The following KPNA1 variants were observed in gnomAD, a reference collection of about 807,000 sequenced individuals.
The protein encoded by KPNA1 is importin subunit alpha-5.
A neutral mutation model predicts 70.5 loss-of-function variants in KPNA1; 10 were observed. The observed-to-expected ratio is 0.14, with a 90% CI of 0.09 to 0.24. The LOEUF is 0.24. Ranked by LOEUF, KPNA1 falls within the 10% of genes least tolerant of loss-of-function variation. The pLI, the probability that KPNA1 is intolerant of heterozygous loss-of-function variation, is 1.00. For missense variants in KPNA1, 397 were observed against 637.9 expected, an observed-to-expected ratio of 0.62 and a Z score of 4.07; for synonymous variants, 192 against 221.9, an observed-to-expected ratio of 0.87 and a Z score of 1.20.
At chr3:122,452,536 AGGAGGGAAGGAG>A (rs1378580920) in intron 6 of KPNA1, among the ~76,000 whole-genome samples, 453 of 34,636 alleles carry the variant, frequency 0.013, 8 homozygotes, top group African/African-American at 0.039. Flanking sequence ...GAAGGAGGGA[AGGAGGGAAGGAG>A]GGAGGGAGGG....
At position 122,423,511 on chromosome 3, in the gene KPNA1, A is replaced by G. The variant is rs2075782900; in HGVS notation, c.*3474T>C. On this transcript the variant is annotated 3_prime_UTR_variant, in exon 14 of 14. Coordinates refer to ENST00000344337, the MANE Select transcript of KPNA1 (RefSeq NM_002264.4). ...ACTTAAAAACCATCAACCCCTAAAA[A>G]GTTATAATGATTTGCCTATTGATAT... The G allele has an allele frequency of 6.6e-6, 1 of 152,586 alleles. No homozygotes were observed. The highest frequency in any genetic ancestry group is 1.5e-5 in the Non-Finnish European group (1 of 68,026). The allele number at this position is 152,586 out of a possible 1,614,324, so 9.5% of individuals were successfully genotyped here.
intron 5 of KPNA1, chr3:122,459,515 G>A (rs1173319456): frequency 1.5e-5 from 15 of 985,288 alleles, no homozygotes; most frequent in South Asian, 9.4e-5. Context: ...TTCTCGGCAG[G>A]TTGCTTAGGG....
intron 1 of KPNA1, among the ~76,000 whole-genome samples, chr3:122,503,795 G>GTAT (rs2076857349): frequency 6.6e-6 from 1 of 152,108 alleles, no homozygotes. Flanking sequence ...GTGATGGTGT[G>GTAT]TATTACCCCT....
At chr3:122,460,003 A>G in intron 5 of KPNA1, 9 of 985,438 alleles carry the variant, frequency 9.1e-6, no homozygotes, top group Non-Finnish European at 1.1e-5. Context: ...AGTAAAGAAC[A>G]GCACACAAGG....
chr3:122,460,768 A>G (rs778556467), intron 5 of KPNA1: 26 of 637,698 alleles, frequency 4.1e-5, no homozygotes, highest in Non-Finnish European at 5.1e-5. Flanking sequence ...GATTCCTGAC[A>G]AAGTTATCTC....
intron 1 of KPNA1, among the ~76,000 whole-genome samples, chr3:122,507,806 T>A (rs1373254979): frequency 6.6e-6 from 1 of 151,978 alleles, no homozygotes; most frequent in Non-Finnish European, 1.5e-5. Flanking sequence ...AAAGGGTTCG[T>A]TCCCTCAGTA....
chr3:122,442,240 G>T, intron 9 of KPNA1, 124 bp from the exon 10 acceptor site: 1 of 685,278 alleles, frequency 1.5e-6, no homozygotes, highest in Non-Finnish European at 2.6e-6. Flanking sequence ...TACCCATGGG[G>T]CTAATTAAGG....
At chr3:122,479,618 G>C (rs1182729269) in intron 2 of KPNA1, among the ~76,000 whole-genome samples, 1 of 152,066 alleles carries the variant, frequency 6.6e-6, no homozygotes, top group African/African-American at 2.4e-5. Flanking sequence ...AAATTAGCCG[G>C]GAGTGGTGGT....
intron 8 of KPNA1, among the ~76,000 whole-genome samples, chr3:122,450,388 C>T (rs1007854013): frequency 1.3e-5 from 2 of 152,224 alleles, no homozygotes; most frequent in African/African-American, 4.8e-5. Flanking sequence ...TCAAGACCAA[C>T]CTGGCCAACA....
intron 12 of KPNA1, among the ~76,000 whole-genome samples, chr3:122,430,058 G>A (rs990863530): frequency 2.0e-5 from 3 of 151,724 alleles, no homozygotes; most frequent in Admixed American, 6.6e-5. Flanking sequence ...TATCTCAACT[G>A]TATTTTTATT....
intron 1 of KPNA1, among the ~76,000 whole-genome samples, chr3:122,505,274 C>CAAAAAAAAAAA (rs376502610): frequency 1.0e-5 from 1 of 99,544 alleles, no homozygotes; most frequent in Non-Finnish European, 1.9e-5. Context: ...CTGCATGCCT[C>CAAAAAAAAAAA]AAAAAAAAAA....
intron 2 of KPNA1, among the ~76,000 whole-genome samples, chr3:122,489,292 T>G (rs2076669394): frequency 1.3e-5 from 2 of 151,102 alleles, no homozygotes; most frequent in African/African-American, 2.4e-5. Flanking sequence ...TTTGTTTTTT[T>G]TTGTTTGTTT....
At chr3:122,455,239 T>C (rs1024857948) in intron 5 of KPNA1, among the ~76,000 whole-genome samples, 2 of 152,092 alleles carry the variant, frequency 1.3e-5, no homozygotes, top group Non-Finnish European at 2.9e-5. Flanking sequence ...ATGTTAGTGA[T>C]AGAAAATTCA....
At position 122,425,370 on chromosome 3, in the gene KPNA1, T is replaced by C. The variant is rs1198727834; in HGVS notation, c.*1615A>G. On this transcript the variant is annotated 3_prime_UTR_variant, in exon 14 of 14. Transcript: ENST00000344337. Reference sequence around the variant, plus strand: ...GGCAACTTCCAAATAGTTTTTACACTTTGGGGTTATAATGAATTCTAGAAG... The same window carrying C: ...GGCAACTTCCAAATAGTTTTTACACCTTGGGGTTATAATGAATTCTAGAAG... 2 of 152,632 alleles carry C rather than the reference T, an allele frequency of 1.3e-5. No individual in the cohort carries two copies. Among genetic ancestry groups the C allele is most frequent in the Non-Finnish European group, 2.9e-5 (2 of 68,032 alleles). The allele number at this position is 152,632 out of a possible 1,614,324, so 9.5% of individuals were successfully genotyped here.
chr3:122,422,360 A>C lies in KPNA1; in HGVS notation c.*4625T>G, dbSNP rs900949123. ...ATCATTTGCACAAAAAAAAAAAAAAAAAAAACCTATTACCATACTTGTCTG... is the reference window on the plus strand; with the variant it reads ...ATCATTTGCACAAAAAAAAAAAAAACAAAAACCTATTACCATACTTGTCTG... On this transcript the variant is annotated 3_prime_UTR_variant, in exon 14 of 14. Transcript: ENST00000344337. 3.9e-5 allele frequency: 6 copies of C among 152,132 alleles called. No individual in the cohort carries two copies. The highest frequency in any genetic ancestry group is 8.8e-5 in the Non-Finnish European group (6 of 68,018). 9.4% of individuals were successfully genotyped at this position (152,132 alleles called of 1,614,324 possible). A position where few individuals can be genotyped will look rare whatever the true frequency, so the allele number is the denominator to read the frequency against.
chr3:122,499,782 C>G (rs980817305), intron 1 of KPNA1, among the ~76,000 whole-genome samples: 1 of 150,736 alleles, frequency 6.6e-6, no homozygotes, highest in Non-Finnish European at 1.5e-5. Context: ...AAAAAAGAGA[C>G]GGGTTTATAT....
In KPNA1 at chr3:122,423,873, A is replaced by C. The variant is rs1480074054; in HGVS notation, c.*3112T>G. ...CCTTCATCTGTCATATGGAAGAAACAATCCTAGGGCAATAGTTTTTTCAAA... is the reference window on the plus strand; with the variant it reads ...CCTTCATCTGTCATATGGAAGAAACCATCCTAGGGCAATAGTTTTTTCAAA... On this transcript the variant is annotated 3_prime_UTR_variant, in exon 14 of 14. Coordinates refer to ENST00000344337, the MANE Select transcript of KPNA1 (RefSeq NM_002264.4). 6.6e-6 allele frequency: 1 copy of C among 152,490 alleles called. No individual in the cohort carries two copies. 9.4% of individuals were successfully genotyped at this position (152,490 alleles called of 1,614,324 possible).
chr3:122,480,668 A>G (rs975564818), intron 2 of KPNA1, among the ~76,000 whole-genome samples: 1 of 151,764 alleles, frequency 6.6e-6, no homozygotes, highest in Non-Finnish European at 1.5e-5. Flanking sequence ...AACTTTTCTC[A>G]TTTAAAAAAA....
At chr3:122,478,173 A>AG (rs2076525533) in intron 2 of KPNA1, among the ~76,000 whole-genome samples, 2 of 114,144 alleles carry the variant, frequency 1.8e-5, no homozygotes, top group Non-Finnish European at 4.0e-5. Context: ...AAAAAAAAAA[A>AG]AAAGAAAAGA....
Sources: gnomAD v4.1 joint callset for allele counts (sites outside exome capture counted in the v4.1 genomes callset) on GRCh38, gnomAD v4.1.1 for gene constraint, MANE v1.5 for transcripts, NCBI Gene and HGNC (gene_info 2026-07-23, HGNC 2026-07-21) for gene names.